The following FANCC variants were observed in gnomAD, a reference collection of about 807,000 sequenced individuals.
FANCC encodes the protein Fanconi anemia group C protein.
A neutral mutation model predicts 71.3 loss-of-function variants in FANCC; 55 were observed. The ratio of observed to expected loss-of-function variants is 0.77; its 90% CI spans 0.62 to 0.97. The LOEUF (loss-of-function observed/expected upper bound fraction) is 0.97, where lower values mean the gene tolerates loss of function less well. Among genes scored for constraint, FANCC ranks in the 50% least tolerant of loss-of-function variants. FANCC has a pLI of 0.00. For synonymous variants in FANCC, 275 were observed against 244.9 expected, an observed-to-expected ratio of 1.12 and a Z score of -1.15; for missense variants, 678 against 670.9, an observed-to-expected ratio of 1.01 and a Z score of -0.12.
At chr9:95,195,939 G>A (rs1588263247) in intron 4 of FANCC, among the ~76,000 whole-genome samples, 1 of 152,158 alleles carries the variant, frequency 6.6e-6, no homozygotes, top group Admixed American at 6.5e-5. Context: ...GGAGTTGACT[G>A]TTGTGTGTTG....
chr9:95,172,065 A>G lies in FANCC; in HGVS notation c.428T>C (p.Ile143Thr). 2 of 1,611,468 alleles carry G rather than the reference A, an allele frequency of 1.2e-6. No homozygotes were observed. Among genetic ancestry groups the G allele is most frequent in the Non-Finnish European group, 1.7e-6 (2 of 1,177,678 alleles). Residue 143 changes from isoleucine to threonine, a missense_variant, in exon 5 of 15, where the codon ATA becomes ACA. Ile to Thr is a moderately conservative substitution (Grantham distance 89). Transcript: ENST00000289081. ...TTTAAGCAAACCAGGATAGTAATCT[A>G]TAGGTGCATACCCAAGACCTTGAGT... ...LFTQGLGYAP[I>T]DYYPGLLKNM... is the part of the protein sequence containing the mutation.
intron 1 of FANCC, among the ~76,000 whole-genome samples, chr9:95,302,007 G>A (rs376454324): frequency 3.3e-5 from 5 of 150,200 alleles, no homozygotes; most frequent in East Asian, 2.0e-4. Flanking sequence ...GCAGGAACCC[G>A]GGAGGCGGAG....
At chr9:95,314,435 C>T (rs979162007) in intron 1 of FANCC, among the ~76,000 whole-genome samples, 4 of 152,076 alleles carry the variant, frequency 2.6e-5, no homozygotes, top group Admixed American at 6.5e-5. Context: ...AGGCGGGTCA[C>T]GAGGTCAGGA....
chr9:95,240,611 T>C (rs1305558675), intron 4 of FANCC, 38 bp downstream of exon 4: 1 of 1,473,316 alleles, frequency 6.8e-7, no homozygotes, highest in South Asian at 1.1e-5. Flanking sequence ...ATAATCAATT[T>C]AATTCAAAGA....
intron 1 of FANCC, among the ~76,000 whole-genome samples, chr9:95,308,117 A>G (rs566294732): frequency 6.6e-6 from 1 of 152,366 alleles, no homozygotes; most frequent in African/African-American, 2.4e-5. Flanking sequence ...CCACAAAACA[A>G]TGTAACCAAA....
Position 95,100,018 on chromosome 9 carries a change from C to A in FANCC, c.*1689G>T, listed in dbSNP as rs531542660. ...CCAGTGGCCCCTCTCTCTAGGGGTT[C>A]CCTGCTGCCACCATGTCCACAGAGG... On this transcript the variant is annotated 3_prime_UTR_variant, in exon 15 of 15. Transcript: ENST00000289081. 4.3e-6 allele frequency: 1 copy of A among 232,374 alleles called. No homozygotes were observed. The highest frequency in any genetic ancestry group is 1.8e-4 in the South Asian group (1 of 5,520). 14.4% of individuals were successfully genotyped at this position (232,374 alleles called of 1,614,324 possible).
chr9:95,194,747 C>G (rs1827317872), intron 4 of FANCC, among the ~76,000 whole-genome samples: 1 of 152,054 alleles, frequency 6.6e-6, no homozygotes, highest in South Asian at 2.1e-4. Context: ...TATCTAGATA[C>G]TAGTCCTTTG....
intron 4 of FANCC, among the ~76,000 whole-genome samples, chr9:95,179,541 T>G (rs1438927855): frequency 6.6e-6 from 1 of 152,164 alleles, no homozygotes; most frequent in Non-Finnish European, 1.5e-5. Flanking sequence ...GAGATAAGGA[T>G]TCACCATGTT....
chr9:95,224,549 T>C (rs113454544), intron 4 of FANCC, among the ~76,000 whole-genome samples: 15 of 152,144 alleles, frequency 9.9e-5, no homozygotes, highest in African/African-American at 3.6e-4. Context: ...ATTCACACTG[T>C]TGTGCAACAG....
chr9:95,297,775 G>A (rs1834472484), intron 1 of FANCC, among the ~76,000 whole-genome samples: 1 of 152,202 alleles, frequency 6.6e-6, no homozygotes, highest in Admixed American at 6.5e-5. Flanking sequence ...AGATCTGAGT[G>A]TGGTTTACTA....
chr9:95,300,905 A>T (rs532767445), intron 1 of FANCC, among the ~76,000 whole-genome samples: 2 of 152,290 alleles, frequency 1.3e-5, no homozygotes, highest in African/African-American at 4.8e-5. Flanking sequence ...GGCTGCACAA[A>T]ATAAGTCTGG....
intron 1 of FANCC, among the ~76,000 whole-genome samples, chr9:95,251,834 C>G (rs1164552572): frequency 6.6e-6 from 1 of 152,120 alleles, no homozygotes; most frequent in African/African-American, 2.4e-5. Flanking sequence ...CTATTATCAT[C>G]TCCATTTTAC....
intron 1 of FANCC, among the ~76,000 whole-genome samples, chr9:95,270,586 C>G (rs1252881915): frequency 6.6e-6 from 1 of 152,222 alleles, no homozygotes; most frequent in African/African-American, 2.4e-5. Flanking sequence ...CATGGCAAGG[C>G]AAGGAGCAGG....
rs560030208 is a variant in FANCC at position 95,107,349 on chromosome 9, A to T, written c.1330-80T>A. The stretch of plus-strand genomic sequence containing the variant: ...TTCTAGGATTTATTTATTTGCTTTG[A>T]AACAACCCCCAGAAACGGGTAAGCA... On this transcript the variant is annotated intron_variant, in intron 13 of 14. Transcript: ENST00000289081. 1.5e-5 allele frequency: 22 copies of T among 1,479,286 alleles called. No individual in the cohort carries two copies. In the East Asian group the frequency reaches 5.1e-4, roughly 34 times the overall value. 91.6% of individuals were successfully genotyped at this position (1,479,286 alleles called of 1,614,324 possible).
chr9:95,135,481 C>T lies in FANCC; in HGVS notation c.708G>A (p.Met236Ile), dbSNP rs587779907. 1.2e-6 allele frequency: 2 copies of T among 1,613,942 alleles called. No homozygotes were observed. Among genetic ancestry groups the T allele is most frequent in the Non-Finnish European group, 1.7e-6 (2 of 1,179,982 alleles). Residue 236 changes from methionine (M) to isoleucine (I), a missense_variant, in exon 8 of 15, where the codon ATG becomes ATA. Physicochemically the swap from Met to Ile is conservative, Grantham distance 10 (BLOSUM62 1). Transcript: ENST00000289081. ...AILLKKISLP[M>I]SAVVCLWLRH... is the part of the protein sequence containing the mutation. ...GAAGCCAGAGGCAGACTACAGCTGA[C>T]ATGGGGAGAGAAATCTTCTTCCTTT... is the stretch of plus-strand genomic sequence containing the variant.
At position 95,125,201 on chromosome 9, in the gene FANCC, TC is replaced by T; in HGVS notation, c.897-17del. 1 of 1,602,672 alleles carries T rather than the reference TC, an allele frequency of 6.2e-7. No individual in the cohort carries two copies. Among genetic ancestry groups the T allele is most frequent in the African/African-American group, 1.3e-5 (1 of 74,758 alleles). ...GAGTGCACACCTGAACAATGCAAAG[TC>T]AGATCAGAACACGTTTAACAAGTAA... is the stretch of plus-strand genomic sequence containing the variant. On this transcript the variant is annotated splice_polypyrimidine_tract_variant and intron_variant, in intron 9 of 14. Transcript: ENST00000289081.
chr9:95,272,397 G>C (rs1431775339), intron 1 of FANCC, among the ~76,000 whole-genome samples: 1 of 151,980 alleles, frequency 6.6e-6, no homozygotes, highest in Non-Finnish European at 1.5e-5. Context: ...CTTAGGTTGG[G>C]ATGGAACACA....
At chr9:95,120,370 C>T (rs1333778310) in intron 10 of FANCC, among the ~76,000 whole-genome samples, 3 of 151,318 alleles carry the variant, frequency 2.0e-5, no homozygotes, top group Non-Finnish European at 4.4e-5. Flanking sequence ...CTATGGCTGT[C>T]TTTTTGCCAA....
intron 4 of FANCC, among the ~76,000 whole-genome samples, chr9:95,217,479 C>T (rs1188963185): frequency 6.7e-6 from 1 of 150,176 alleles, no homozygotes; most frequent in Admixed American, 6.6e-5. Flanking sequence ...GAGACTCCAT[C>T]TCAAAAAAAA....
Sources: allele counts gnomAD v4.1 joint callset (sites outside exome capture counted in the v4.1 genomes callset), GRCh38; gene constraint gnomAD v4.1.1; transcripts MANE v1.5; gene names NCBI Gene and HGNC (gene_info 2026-07-23, HGNC 2026-07-21).